CENPO: variants seen among roughly 807,000 people sequenced by gnomAD.
CENPO encodes centromeric protein O.
A neutral mutation model predicts 36.1 loss-of-function variants in CENPO; 30 were observed. That is an observed-to-expected ratio of 0.83 (90% confidence interval 0.62 to 1.13). The LOEUF is 1.13. CENPO is among the 50% of genes most tolerant of loss of function. CENPO has a pLI of 0.00. For missense variants in CENPO, 349 were observed against 357.8 expected, an observed-to-expected ratio of 0.98 and a Z score of 0.20; for synonymous variants, 171 against 142.3, an observed-to-expected ratio of 1.20 and a Z score of -1.44.
chr2:24,814,318 G>A, intron 3 of CENPO, 58 bp from the exon 4 acceptor site: 1 of 837,074 alleles, frequency 1.2e-6, no homozygotes. Flanking sequence ...TTGGGGGAGG[G>A]CGGGGATGTT....
intron 6 of CENPO, among the ~76,000 whole-genome samples, chr2:24,817,464 A>C (rs4429431): frequency 8.3e-6 from 1 of 120,818 alleles, no homozygotes; most frequent in Non-Finnish European, 1.9e-5. Context: ...CTTAGTCCAG[A>C]CCAAAAAAAA....
Position 24,820,790 on chromosome 2 carries a change from G to A in CENPO, c.*1472G>A. On this transcript the variant is annotated 3_prime_UTR_variant, in exon 8 of 8. Coordinates refer to ENST00000380834, the MANE Select transcript of CENPO (RefSeq NM_001322101.2). ...CTACATTGACTGTATTGCCCCAGAT[G>A]TCGTAGTGTGGTTTCCGGGCTCCGA... 2 of 1,614,126 alleles carry A rather than the reference G, an allele frequency of 1.2e-6. No individual in the cohort carries two copies. Among genetic ancestry groups the A allele is most frequent in the Non-Finnish European group, 1.7e-6 (2 of 1,180,006 alleles).
chr2:24,799,879 A>C (rs763819138), intron 3 of CENPO, 35 bp downstream of exon 3: 1 of 1,604,988 alleles, frequency 6.2e-7, no homozygotes, highest in Non-Finnish European at 8.5e-7. Context: ...GTTCCTTTAG[A>C]GTATAATGAA....
At position 24,822,367 on chromosome 2, in the gene CENPO, CTTA is replaced by C. The variant is rs1667901820; in HGVS notation, c.*3052_*3054del. The stretch of plus-strand genomic sequence containing the variant: ...CGAACTTTCTCAATAAACCCTATTT[CTTA>C]TTTATATTTACGTGGTGCTGGTGGT... On this transcript the variant is annotated 3_prime_UTR_variant, in exon 8 of 8. Transcript: ENST00000380834. The C allele has an allele frequency of 2.5e-6, 3 of 1,195,060 alleles. No individual in the cohort carries two copies. In the African/African-American group the frequency reaches 4.6e-5, roughly 18 times the overall value. The allele number at this position is 1,195,060 out of a possible 1,614,324, so 74.0% of individuals were successfully genotyped here. A position where few individuals can be genotyped will look rare whatever the true frequency, so the allele number is the denominator to read the frequency against.
chr2:24,808,652 TATTG>T (rs1263057550), intron 3 of CENPO, among the ~76,000 whole-genome samples: 4 of 152,214 alleles, frequency 2.6e-5, no homozygotes, highest in Non-Finnish European at 5.9e-5. Context: ...TTGTGGTATA[TATTG>T]ATTGCTGTTT....
At chr2:24,818,716 G>A (rs1667090437) in intron 7 of CENPO, among the ~76,000 whole-genome samples, 1 of 152,232 alleles carries the variant, frequency 6.6e-6, no homozygotes, top group South Asian at 2.1e-4. Context: ...CTCTCCTGCA[G>A]GCTCTCCGGT....
At chr2:24,795,188 A>C (rs1665838651) in intron 2 of CENPO, among the ~76,000 whole-genome samples, 1 of 152,190 alleles carries the variant, frequency 6.6e-6, no homozygotes, top group Non-Finnish European at 1.5e-5. Flanking sequence ...GATTATCAAG[A>C]GACTTAGACC....
Position 24,815,753 on chromosome 2 carries a change from T to C in CENPO, c.591T>C (p.Leu197=). The C allele has an allele frequency of 6.2e-7, 1 of 1,614,104 alleles. No individual in the cohort carries two copies. Among genetic ancestry groups the C allele is most frequent in the Non-Finnish European group, 8.5e-7 (1 of 1,179,974 alleles). The change falls in exon 5 of 8, where the codon CTT becomes CTC. Residue 197 remains leucine (L), a synonymous_variant. Transcript: ENST00000380834. The stretch of plus-strand genomic sequence containing the variant: ...GGAGGAAGTACCAGGCAGACCGGCT[T>C]CAGGTATCTCTCTGGGATGTTATAT... ...YSGRKYQADR[L]QSDFAALLTG... is the part of the protein sequence containing the mutation.
In CENPO at chr2:24,817,466, C is replaced by CAAA. The variant is rs57556645; in HGVS notation, c.767-196_767-194dup. ...AGTAAGGGGCAGCCTTAGTCCAGAC[C>CAAA]AAAAAAAAAAGCTGTATGGGTCCAG... On this transcript the variant is annotated intron_variant, in intron 6 of 7. Transcript: ENST00000380834. Among the ~76,000 whole-genome samples, 7 of 110,084 alleles carry CAAA rather than the reference C, an allele frequency of 6.4e-5. 1 individual carries two copies. Among genetic ancestry groups the CAAA allele is most frequent in the African/African-American group, 2.2e-4 (5 of 23,108 alleles). The allele number at this position is 110,084 out of a possible 152,430, so 72.2% of individuals were successfully genotyped here.
intron 2 of CENPO, among the ~76,000 whole-genome samples, chr2:24,796,839 T>C (rs1299375029): frequency 2.6e-5 from 4 of 151,836 alleles, no homozygotes; most frequent in Non-Finnish European, 5.9e-5. Flanking sequence ...TGGAAGAGCC[T>C]TTGGTGTGTG....
In CENPO at chr2:24,819,904, G is replaced by T. The variant is rs745448867; in HGVS notation, c.*586G>T. 5.6e-6 allele frequency: 9 copies of T among 1,608,640 alleles called. No homozygotes were observed. Among genetic ancestry groups the T allele is most frequent in the South Asian group, 1.1e-5 (1 of 90,514 alleles). On this transcript the variant is annotated 3_prime_UTR_variant, in exon 8 of 8. Coordinates refer to ENST00000380834, the MANE Select transcript of CENPO (RefSeq NM_001322101.2). The stretch of plus-strand genomic sequence containing the variant: ...TTCAAAAAATAAATTCTCCCTTCCG[G>T]TTTGGACTGTTGCAGGCTCGAGGCC...
At chr2:24,805,426 C>G (rs1666355299) in intron 3 of CENPO, among the ~76,000 whole-genome samples, 1 of 152,200 alleles carries the variant, frequency 6.6e-6, no homozygotes, top group African/African-American at 2.4e-5. Context: ...TCCAGTTTTT[C>G]TGCTCTGTTT....
At chr2:24,797,896 A>G (rs1180164261) in intron 2 of CENPO, among the ~76,000 whole-genome samples, 1 of 152,178 alleles carries the variant, frequency 6.6e-6, no homozygotes, top group African/African-American at 2.4e-5. Context: ...GTGAGTTTCA[A>G]GTGGGTTGAG....
chr2:24,817,322 T>C (rs1176452545), intron 6 of CENPO, among the ~76,000 whole-genome samples: 1 of 152,096 alleles, frequency 6.6e-6, no homozygotes, highest in Non-Finnish European at 1.5e-5. Context: ...TAATGAAAAA[T>C]TGGGTGAAAT....
chr2:24,821,272 G>A lies in CENPO; in HGVS notation c.*1954G>A, dbSNP rs1667657332. The A allele has an allele frequency of 1.9e-6, 1 of 515,182 alleles. No individual in the cohort carries two copies. The highest frequency in any genetic ancestry group is 3.3e-6 in the Non-Finnish European group (1 of 299,654). 31.9% of individuals were successfully genotyped at this position (515,182 alleles called of 1,614,324 possible). ...CACAAACTCACTTCTCAGCCAGGCA[G>A]GCCAAGCTTCTATTGTAACAGTAGG... On this transcript the variant is annotated 3_prime_UTR_variant, in exon 8 of 8. Coordinates refer to ENST00000380834, the MANE Select transcript of CENPO (RefSeq NM_001322101.2).
chr2:24,814,229 T>G, intron 3 of CENPO, 147 bp from the exon 4 acceptor site: 1 of 664,258 alleles, frequency 1.5e-6, no homozygotes, highest in South Asian at 1.8e-5. Flanking sequence ...CTGCAGTGAA[T>G]TCATAGCAAT....
chr2:24,810,045 C>G (rs1338922304), intron 3 of CENPO, among the ~76,000 whole-genome samples: 1 of 111,350 alleles, frequency 9.0e-6, no homozygotes, highest in African/African-American at 2.8e-5. Context: ...GAAACTATGT[C>G]TCAAAAAAAA....
At chr2:24,815,916 CTCTTT>C in intron 5 of CENPO, 160 bp downstream of exon 5, 1 of 699,266 alleles carries the variant, frequency 1.4e-6, no homozygotes, top group South Asian at 1.9e-5. Context: ...CTATCCCACC[CTCTTT>C]TCTTTTGAAA....
chr2:24,795,496 A>G (rs974663824), intron 2 of CENPO, among the ~76,000 whole-genome samples: 1 of 152,200 alleles, frequency 6.6e-6, no homozygotes, highest in South Asian at 2.1e-4. Context: ...ACGCTAAACA[A>G]CAACGCTACC....
Sources: allele counts gnomAD v4.1 joint callset (sites outside exome capture counted in the v4.1 genomes callset), GRCh38; gene constraint gnomAD v4.1.1; transcripts MANE v1.5; gene names NCBI Gene and HGNC (gene_info 2026-07-23, HGNC 2026-07-21).